Variants in MAP7D2 observed in about 807,000 individuals in gnomAD.
MAP7D2 encodes MAP7 domain containing 2, also known as MAP7 domain-containing protein 2.
Under a neutral mutation model 63.5 loss-of-function variants are expected in MAP7D2, and 33 were observed. The observed-to-expected ratio is 0.52, with a 90% CI of 0.39 to 0.70. The LOEUF (loss-of-function observed/expected upper bound fraction) is 0.70. MAP7D2 is among the 30% of genes least tolerant of loss of function. The pLI is 0.00. For synonymous variants in MAP7D2, 224 were observed against 223.7 expected, an observed-to-expected ratio of 1.00 and a Z score of -0.01; for missense variants, 626 against 604.0, an observed-to-expected ratio of 1.04 and a Z score of -0.38.
chrX:20,015,701 T>C (rs1295131993), intron 11 of MAP7D2, among the ~76,000 whole-genome samples: 1 of 112,434 alleles, frequency 8.9e-6, no homozygotes, highest in Non-Finnish European at 1.9e-5. Context: ...AGTTTCCTCA[T>C]CCCTCAGCTG....
chrX:20,007,977 C>T lies in MAP7D2; in HGVS notation c.*448G>A, dbSNP rs1161819054. 1.8e-5 allele frequency: 2 copies of T among 112,070 alleles called. No individual in the cohort carries two copies. The highest frequency in any genetic ancestry group is 3.8e-5 in the Non-Finnish European group (2 of 53,207). The allele number at this position is 112,070 out of a possible 1,213,427, so 9.2% of individuals were successfully genotyped here. A position where few individuals can be genotyped will look rare whatever the true frequency, so the allele number is the denominator to read the frequency against. On this transcript the variant is annotated 3_prime_UTR_variant, in exon 17 of 17. Transcript: ENST00000379643. Reference sequence around the variant, plus strand: ...GTCTCAAAAAAGACAGGGAGATATACAGTGCAAGTTGAGTATATGTTGAAC... The same window carrying T: ...GTCTCAAAAAAGACAGGGAGATATATAGTGCAAGTTGAGTATATGTTGAAC...
Position 20,013,150 on chromosome X carries a change from G to A in MAP7D2, c.1807-18C>T, listed in dbSNP as rs372276049. ...TCTTCTTTCTGAAAACAAATGGAAG[G>A]TGAATGAAATGAGGGAAGGCTGACA... On this transcript the variant is annotated intron_variant, in intron 13 of 16. Transcript: ENST00000379643. 1.7e-6 allele frequency: 2 copies of A among 1,152,160 alleles called. No individual in the cohort carries two copies. The highest frequency in any genetic ancestry group is 1.8e-5 in the African/African-American group (1 of 56,086). 95.0% of individuals were successfully genotyped at this position (1,152,160 alleles called of 1,213,427 possible).
chrX:20,064,485 T>C (rs961754498), intron 2 of MAP7D2, among the ~76,000 whole-genome samples: 3 of 112,121 alleles, frequency 2.7e-5, no homozygotes, highest in Non-Finnish European at 5.6e-5. Flanking sequence ...TTCAATATCG[T>C]AACTGCAGAC....
intron 1 of MAP7D2, among the ~76,000 whole-genome samples, chrX:20,072,762 A>G (rs2065537599): frequency 8.9e-6 from 1 of 111,796 alleles, no homozygotes; most frequent in Non-Finnish European, 1.9e-5. Flanking sequence ...AGTTGACACT[A>G]AAAATTAACC....
At chrX:20,063,218 T>C (rs2065264647) in intron 3 of MAP7D2, among the ~76,000 whole-genome samples, 196 bp downstream of exon 3, 1 of 112,182 alleles carries the variant, frequency 8.9e-6, no homozygotes, top group Non-Finnish European at 1.9e-5. Flanking sequence ...CTGAGTTGAA[T>C]GGATAAGTCT....
At chrX:20,085,442 T>A (rs781416169) in intron 1 of MAP7D2, among the ~76,000 whole-genome samples, 3 of 112,100 alleles carry the variant, frequency 2.7e-5, no homozygotes, top group Non-Finnish European at 3.8e-5. Context: ...AAAATGTAGG[T>A]TGCCTTACAA....
chrX:20,022,838 T>C (rs1044328217), intron 10 of MAP7D2, among the ~76,000 whole-genome samples: 5 of 112,694 alleles, frequency 4.4e-5, no homozygotes, highest in African/African-American at 1.3e-4. Context: ...TCTAGACCAG[T>C]GCTATCCAAT....
rs781477689 is a variant in MAP7D2 at position 20,013,584 on chromosome X, C to T, written c.1791G>A (p.Val597=). The T allele has an allele frequency of 1.7e-6, 2 of 1,196,822 alleles. No homozygotes were observed. The highest frequency in any genetic ancestry group is 1.8e-5 in the South Asian group (1 of 54,974). ...EIMKRTRKSD[V]SPQVKKEDPK... is the part of the protein sequence containing the mutation. ...GAATTCCTACCTTCACTTGTGGAGACACATCACTTTTCCTTGTTCTCTTCA... is the reference window on the plus strand; with the variant it reads ...GAATTCCTACCTTCACTTGTGGAGATACATCACTTTTCCTTGTTCTCTTCA... Residue 597 remains valine, a synonymous_variant, in exon 13 of 17, where the codon GTG becomes GTA. Coordinates refer to ENST00000379643, the MANE Select transcript of MAP7D2 (RefSeq NM_001168465.2).
chrX:20,018,635 G>A (rs959003971), intron 10 of MAP7D2, among the ~76,000 whole-genome samples: 2 of 108,954 alleles, frequency 1.8e-5, no homozygotes, highest in Non-Finnish European at 3.8e-5. Flanking sequence ...TAGAGATGGG[G>A]TTTCACCATG....
chrX:20,034,538 G>A (rs1334785592), intron 8 of MAP7D2, among the ~76,000 whole-genome samples: 1 of 111,297 alleles, frequency 9.0e-6, no homozygotes, highest in Non-Finnish European at 1.9e-5. Context: ...ATTAGGAGGT[G>A]GGGCCTTTGG....
At chrX:20,053,200 A>G (rs768881877) in intron 4 of MAP7D2, among the ~76,000 whole-genome samples, 1 of 112,296 alleles carries the variant, frequency 8.9e-6, no homozygotes, top group African/African-American at 3.2e-5. Context: ...AATCTCTGCA[A>G]CTTCTTCACT....
intron 8 of MAP7D2, among the ~76,000 whole-genome samples, chrX:20,034,228 A>G (rs1433245581): frequency 1.5e-4 from 9 of 58,609 alleles, no homozygotes; most frequent in African/African-American, 4.5e-4. Context: ...CTGTCTCCAA[A>G]AAAAAAAAAA....
intron 5 of MAP7D2, among the ~76,000 whole-genome samples, chrX:20,051,983 G>T (rs1180735387): frequency 8.9e-6 from 1 of 112,112 alleles, no homozygotes; most frequent in African/African-American, 3.2e-5. Flanking sequence ...GTAGCATTAT[G>T]AACCTTATAG....
At chrX:20,079,832 G>T (rs748389099) in intron 1 of MAP7D2, among the ~76,000 whole-genome samples, 1 of 110,768 alleles carries the variant, frequency 9.0e-6, no homozygotes, top group East Asian at 2.9e-4. Context: ...CCAAATCCTG[G>T]AATCATTTCA....
rs771757098 is a variant in MAP7D2 at position 20,064,857 on chromosome X, T to A, written c.131-52A>T. 1.2e-5 allele frequency: 13 copies of A among 1,072,703 alleles called. No individual in the cohort carries two copies. In the South Asian group the frequency reaches 1.9e-4, roughly 15 times the overall value. The allele number at this position is 1,072,703 out of a possible 1,213,427, so 88.4% of individuals were successfully genotyped here. A position where few individuals can be genotyped will look rare whatever the true frequency, so the allele number is the denominator to read the frequency against. On this transcript the variant is annotated intron_variant, in intron 1 of 16. Transcript: ENST00000379643. The stretch of plus-strand genomic sequence containing the variant: ...TTCAGTTCTTCACTCTTTCCCTATC[T>A]GCTAAGTACTATAGGCAACTGGGCA...
intron 2 of MAP7D2, 73 bp downstream of exon 2, chrX:20,064,655 C>T (rs1290124816): frequency 1.1e-6 from 1 of 904,149 alleles, no homozygotes; most frequent in East Asian, 3.1e-5. Context: ...TCACAAATTT[C>T]TAAGAATCTT....
At chrX:20,065,012 C>T (rs991545618) in intron 1 of MAP7D2, among the ~76,000 whole-genome samples, 1 of 111,875 alleles carries the variant, frequency 8.9e-6, no homozygotes, top group Non-Finnish European at 1.9e-5. Flanking sequence ...ATGCACCTGC[C>T]AAGCTGTCCT....
At chrX:20,109,734 C>T (rs188810990) in intron 1 of MAP7D2, among the ~76,000 whole-genome samples, 93 of 111,174 alleles carry the variant, frequency 8.4e-4, no homozygotes, top group African/African-American at 2.9e-3. Context: ...AAGGATTCAA[C>T]CAACCACAGA....
intron 8 of MAP7D2, among the ~76,000 whole-genome samples, chrX:20,040,811 T>C (rs762980469): frequency 2.7e-5 from 3 of 111,177 alleles, no homozygotes; most frequent in African/African-American, 9.8e-5. Context: ...ATAATGAAGT[T>C]TGGATATTTT....
Sources: gnomAD v4.1 joint callset for allele counts (sites outside exome capture counted in the v4.1 genomes callset) on GRCh38, gnomAD v4.1.1 for gene constraint, MANE v1.5 for transcripts, NCBI Gene and HGNC (gene_info 2026-07-23, HGNC 2026-07-21) for gene names.